The following GRID2 variants were observed in gnomAD, a reference collection of about 807,000 sequenced individuals.
GRID2 encodes glutamate ionotropic receptor delta type subunit 2, also known as glutamate receptor ionotropic, delta-2.
In GRID2, 33 loss-of-function variants were observed where a neutral mutation model predicts 114.8. The observed-to-expected ratio is 0.29, with a 90% CI of 0.22 to 0.38. The LOEUF (loss-of-function observed/expected upper bound fraction) is 0.38. Among genes scored for constraint, GRID2 ranks in the 10% least tolerant of loss-of-function variants. GRID2 has a pLI of 1.00. For missense variants in GRID2, 1,184 were observed against 1,257.7 expected (o/e 0.94, Z 0.89); for synonymous variants, 505 against 449.9 (o/e 1.12, Z -1.55).
At chr4:92,690,359 G>C (rs1380550026) in intron 2 of GRID2, among the ~76,000 whole-genome samples, 1 of 152,202 alleles carries the variant, frequency 6.6e-6, no homozygotes, top group Non-Finnish European at 1.5e-5. Flanking sequence ...AAGTGGAGCT[G>C]TCAGGACACA....
At chr4:93,046,340 TC>T (rs1726133568) in intron 2 of GRID2, among the ~76,000 whole-genome samples, 2 of 152,154 alleles carry the variant, frequency 1.3e-5, no homozygotes, top group African/African-American at 2.4e-5. Flanking sequence ...ATGCCAGGAT[TC>T]CCCCACTGAA....
At chr4:93,527,829 C>A (rs1264572909) in intron 13 of GRID2, among the ~76,000 whole-genome samples, 1 of 152,028 alleles carries the variant, frequency 6.6e-6, no homozygotes, top group Non-Finnish European at 1.5e-5. Flanking sequence ...CTTTTTCTTG[C>A]AAAACTAAAA....
intron 13 of GRID2, among the ~76,000 whole-genome samples, chr4:93,596,288 G>C (rs1399325793): frequency 6.6e-6 from 1 of 152,118 alleles, no homozygotes; most frequent in Non-Finnish European, 1.5e-5. Flanking sequence ...GAAAATAAAG[G>C]CTACTTGAGG....
chr4:93,723,490 C>T (rs545117731), intron 14 of GRID2, among the ~76,000 whole-genome samples: 1 of 152,308 alleles, frequency 6.6e-6, no homozygotes, highest in South Asian at 2.1e-4. Flanking sequence ...TAGCTACACA[C>T]AACCAGCTTG....
chr4:93,339,794 G>T (rs1023886196), intron 8 of GRID2, among the ~76,000 whole-genome samples: 2 of 152,122 alleles, frequency 1.3e-5, no homozygotes, highest in African/African-American at 4.8e-5. Flanking sequence ...GAGGCCTCAG[G>T]AAACACAATC....
chr4:92,338,844 ATATT>A (rs1334568331), intron 1 of GRID2, among the ~76,000 whole-genome samples: 11 of 152,076 alleles, frequency 7.2e-5, no homozygotes, highest in Non-Finnish European at 5.9e-5. Context: ...CATAAATCTA[ATATT>A]TAGTTATTCT....
At chr4:92,418,595 AAGTAGAG>A (rs1275461205) in intron 1 of GRID2, among the ~76,000 whole-genome samples, 1 of 152,076 alleles carries the variant, frequency 6.6e-6, no homozygotes, top group Non-Finnish European at 1.5e-5. Flanking sequence ...ATATGAGACA[AAGTAGAG>A]ATGAATTGCT....
At chr4:93,188,696 CT>C (rs1740674089) in intron 4 of GRID2, among the ~76,000 whole-genome samples, 1 of 152,120 alleles carries the variant, frequency 6.6e-6, no homozygotes, top group Non-Finnish European at 1.5e-5. Flanking sequence ...ATAATTTTTT[CT>C]TTAATTTGTT....
At chr4:93,722,374 G>C (rs1260394343) in intron 14 of GRID2, among the ~76,000 whole-genome samples, 1 of 152,122 alleles carries the variant, frequency 6.6e-6, no homozygotes, top group East Asian at 1.9e-4. Context: ...TCACTAGTGA[G>C]TTACGGACCA....
rs1309676868 is a variant in GRID2 at position 92,424,994 on chromosome 4, ATTG to A, written c.88+120253_88+120255del. 2.0e-5 allele frequency among the ~76,000 whole-genome samples: 3 copies of A among 152,064 alleles called. No homozygotes were observed. The East Asian group carries it at 5.8e-4, about 29-fold the overall frequency. The stretch of plus-strand genomic sequence containing the variant: ...TTCAAATGTTAAAATTAAGTCTTGT[ATTG>A]TTATTAAACATTTTTAAGGCAGTTA... On this transcript the variant is annotated intron_variant, in intron 1 of 15. Coordinates refer to ENST00000282020, the MANE Select transcript of GRID2 (RefSeq NM_001510.4).
At chr4:92,948,333 T>A (rs188039471) in intron 2 of GRID2, among the ~76,000 whole-genome samples, 323 of 152,008 alleles carry the variant, frequency 2.1e-3, no homozygotes, top group African/African-American at 7.3e-3. Context: ...CATTTATGGC[T>A]TTAGTGGGTA....
At chr4:92,637,264 T>G (rs1731113633) in intron 2 of GRID2, among the ~76,000 whole-genome samples, 1 of 152,004 alleles carries the variant, frequency 6.6e-6, no homozygotes, top group Admixed American at 6.6e-5. Flanking sequence ...AAAATATCAT[T>G]TTCATCTAAG....
chr4:92,817,943 A>G (rs1416774501), intron 2 of GRID2, among the ~76,000 whole-genome samples: 2 of 152,192 alleles, frequency 1.3e-5, no homozygotes, highest in East Asian at 3.8e-4. Context: ...TATAAGTGGT[A>G]GAGTCAGGCC....
intron 2 of GRID2, among the ~76,000 whole-genome samples, chr4:92,807,791 T>C (rs1740487848): frequency 2.0e-5 from 3 of 151,992 alleles, no homozygotes. Flanking sequence ...ACTTCTACAT[T>C]TACCCACATG....
At chr4:92,680,193 G>GT (rs957355455) in intron 2 of GRID2, among the ~76,000 whole-genome samples, 1 of 152,072 alleles carries the variant, frequency 6.6e-6, no homozygotes, top group African/African-American at 2.4e-5. Context: ...ATCATTTAGT[G>GT]TAAGTTTTTT....
At chr4:92,615,964 C>T (rs2149233582) in intron 2 of GRID2, among the ~76,000 whole-genome samples, 1 of 151,584 alleles carries the variant, frequency 6.6e-6, no homozygotes, top group Non-Finnish European at 1.5e-5. Flanking sequence ...TGTTCAACAA[C>T]ACAGTTTTGT....
At chr4:93,740,854 T>C (rs1216935733) in intron 14 of GRID2, among the ~76,000 whole-genome samples, 6 of 150,672 alleles carry the variant, frequency 4.0e-5, no homozygotes, top group Non-Finnish European at 1.5e-5. Context: ...TGAATTCCAG[T>C]CTTGGTTCTA....
rs534982730 is a variant in GRID2 at position 92,836,683 on chromosome 4, T to C, written c.244+246397T>C. 3.0e-3 allele frequency among the ~76,000 whole-genome samples: 463 copies of C among 152,242 alleles called. 1 individual carries two copies. The highest frequency in any genetic ancestry group is 0.011 in the African/African-American group (451 of 41,550). On this transcript the variant is annotated intron_variant, in intron 2 of 15. Coordinates refer to ENST00000282020, the MANE Select transcript of GRID2 (RefSeq NM_001510.4). ...GTAGGAGATATTAGAGCATGTAGGC[T>C]GAGTAGAAAGACGGCCCTAGCCTAG...
chr4:92,406,300 T>A (rs547782855), intron 1 of GRID2, among the ~76,000 whole-genome samples: 1 of 152,286 alleles, frequency 6.6e-6, no homozygotes, highest in Non-Finnish European at 1.5e-5. Flanking sequence ...AATTATAAAA[T>A]CTCATTTATC....
Sources: gnomAD v4.1 joint callset for allele counts (sites outside exome capture counted in the v4.1 genomes callset) on GRCh38, gnomAD v4.1.1 for gene constraint, MANE v1.5 for transcripts, NCBI Gene and HGNC (gene_info 2026-07-23, HGNC 2026-07-21) for gene names.